Variants in ASTN2 observed in about 807,000 individuals in gnomAD.
ASTN2 encodes the protein astrotactin 2.
In ASTN2, 54 loss-of-function variants were observed where a neutral mutation model predicts 139.8. The observed-to-expected ratio is 0.39, with a 90% CI of 0.31 to 0.48. ASTN2 has a LOEUF of 0.48. ASTN2 is among the 20% of genes least tolerant of loss of function. The pLI, the probability that ASTN2 is intolerant of heterozygous loss-of-function variation, is 0.95. For synonymous variants in ASTN2, 756 were observed against 719.5 expected (o/e 1.05, Z -0.81); for missense variants, 1,565 against 1,725.1 (o/e 0.91, Z 1.64).
intron 19 of ASTN2, among the ~76,000 whole-genome samples, chr9:116,501,854 A>AT (rs1849866408): frequency 6.7e-6 from 1 of 150,268 alleles, no homozygotes; most frequent in African/African-American, 2.5e-5. Flanking sequence ...AAGTATAATA[A>AT]TAAAAAAAAA....
At chr9:117,209,124 TAA>T (rs1832035042) in intron 3 of ASTN2, among the ~76,000 whole-genome samples, 2 of 151,996 alleles carry the variant, frequency 1.3e-5, no homozygotes, top group South Asian at 4.1e-4. Context: ...GCAAAAATAA[TAA>T]GAGAGAAAGT....
intron 3 of ASTN2, among the ~76,000 whole-genome samples, chr9:117,174,067 G>A (rs1387242639): frequency 6.6e-6 from 1 of 151,614 alleles, no homozygotes; most frequent in Non-Finnish European, 1.5e-5. Flanking sequence ...GAATTAAAAT[G>A]AGGACAGAAT....
At chr9:117,329,742 T>C (rs768038510) in intron 1 of ASTN2, among the ~76,000 whole-genome samples, 11 of 152,180 alleles carry the variant, frequency 7.2e-5, no homozygotes, top group Admixed American at 6.5e-4. Context: ...GCTGGGGTCA[T>C]AAATTCAGAG....
rs556575455 is a variant in ASTN2, at chr9:117,278,472, A to G, written c.630+12854T>C. 2.6e-5 allele frequency among the ~76,000 whole-genome samples: 4 copies of G among 152,282 alleles called. No individual in the cohort carries two copies. In the South Asian group the frequency reaches 8.3e-4, roughly 32 times the overall value. On this transcript the variant is annotated intron_variant, in intron 2 of 22. Coordinates refer to ENST00000313400, the MANE Select transcript of ASTN2 (RefSeq NM_001365068.1). ...TCTACTTGACTTAAAATTCAGCACAAAGGAGGTGAGCAGAGAAAAAGGTAA... is the reference window on the plus strand; with the variant it reads ...TCTACTTGACTTAAAATTCAGCACAGAGGAGGTGAGCAGAGAAAAAGGTAA...
At chr9:117,027,823 G>C (rs924599365) in intron 6 of ASTN2, among the ~76,000 whole-genome samples, 1 of 152,142 alleles carries the variant, frequency 6.6e-6, no homozygotes, top group African/African-American at 2.4e-5. Context: ...CCCTGTGAGG[G>C]TGTGATTGGC....
chr9:116,992,033 G>A (rs540267959), intron 7 of ASTN2, among the ~76,000 whole-genome samples: 24 of 152,186 alleles, frequency 1.6e-4, no homozygotes, highest in Non-Finnish European at 3.1e-4. Flanking sequence ...GACAAGCCCA[G>A]AAAAGCAATG....
At chr9:116,840,509 A>AC (rs748543769) in intron 11 of ASTN2, among the ~76,000 whole-genome samples, 7,374 of 31,930 alleles carry the variant, frequency 0.23, 757 homozygotes, top group East Asian at 0.49. Flanking sequence ...CGGGGGGCTG[A>AC]CCCCCCCCAC....
At chr9:116,442,848 T>G (rs1010179642) in intron 20 of ASTN2, among the ~76,000 whole-genome samples, 2 of 152,178 alleles carry the variant, frequency 1.3e-5, no homozygotes, top group Non-Finnish European at 2.9e-5. Context: ...ATTGAACTCA[T>G]GCAGTCTGAG....
chr9:116,446,037 CAG>C (rs1170973738), intron 20 of ASTN2, among the ~76,000 whole-genome samples: 1 of 151,856 alleles, frequency 6.6e-6, no homozygotes, highest in East Asian at 1.9e-4. Flanking sequence ...GTTAGGGGAC[CAG>C]GCAGTGCCTG....
intron 19 of ASTN2, among the ~76,000 whole-genome samples, chr9:116,509,376 T>C (rs1484916214): frequency 1.3e-5 from 2 of 152,222 alleles, no homozygotes; most frequent in Admixed American, 6.5e-5. Flanking sequence ...CCATGGTGTA[T>C]ATGTGCCACA....
intron 19 of ASTN2, among the ~76,000 whole-genome samples, chr9:116,515,377 A>AATGG (rs1850599914): frequency 6.6e-6 from 1 of 152,132 alleles, no homozygotes; most frequent in African/African-American, 2.4e-5. Flanking sequence ...AGCTTCTAAG[A>AATGG]ATGGTTTCCT....
intron 16 of ASTN2, among the ~76,000 whole-genome samples, chr9:116,656,682 C>CG (rs1858234683): frequency 9.1e-6 from 1 of 109,918 alleles, no homozygotes; most frequent in African/African-American, 3.5e-5. Context: ...TTGTTGCCAC[C>CG]AAAAAAAAAA....
At chr9:117,187,969 G>A (rs1204991681) in intron 3 of ASTN2, among the ~76,000 whole-genome samples, 2 of 152,118 alleles carry the variant, frequency 1.3e-5, no homozygotes, top group South Asian at 4.1e-4. Context: ...CCAAGGCTTG[G>A]AGCAGGGTTT....
Position 116,698,941 on chromosome 9 carries a change from G to A in ASTN2, c.2806+26830C>T, listed in dbSNP as rs373015960. 13 of 1,614,042 alleles carry A rather than the reference G, an allele frequency of 8.1e-6. No individual in the cohort carries two copies. Among genetic ancestry groups the A allele is most frequent in the South Asian group, 3.3e-5 (3 of 91,090 alleles). ...AACTATCGTATACAAGTCTTTACCC[G>A]CAAAGGCTTTTTGAAGGAAATCCGC... On this transcript the variant is annotated intron_variant, in intron 16 of 22. Transcript: ENST00000313400. The surrounding 1 kb of genome is among the most constrained non-coding windows in gnomAD (Gnocchi z 4.4).
chr9:116,620,764 A>T (rs1422179251), intron 17 of ASTN2, among the ~76,000 whole-genome samples: 5 of 151,984 alleles, frequency 3.3e-5, no homozygotes, highest in African/African-American at 9.7e-5. Flanking sequence ...TTATTATTAT[A>T]ATTTCCCATT....
chr9:117,263,540 C>T (rs757407209), intron 2 of ASTN2, among the ~76,000 whole-genome samples: 15 of 152,272 alleles, frequency 9.9e-5, no homozygotes, highest in Non-Finnish European at 1.5e-4. Context: ...AATTGGCTAT[C>T]GTATAGCTTC....
At chr9:116,840,328 TC>T (rs960901463) in intron 11 of ASTN2, among the ~76,000 whole-genome samples, 2 of 150,386 alleles carry the variant, frequency 1.3e-5, no homozygotes, top group African/African-American at 2.5e-5. Flanking sequence ...TCCTCACCTT[TC>T]CCCCCTTTCT....
At chr9:116,453,269 G>A (rs527453147) in intron 20 of ASTN2, among the ~76,000 whole-genome samples, 2 of 152,268 alleles carry the variant, frequency 1.3e-5, no homozygotes, top group East Asian at 1.9e-4. Flanking sequence ...GTAAAATGGA[G>A]TCAACAATAC....
In ASTN2 at chr9:116,944,763, A is replaced by G. The variant is rs1444647785; in HGVS notation, c.1889+30445T>C. ...ATGTTTGGGAAGCCATAAACAATTT[A>G]ATGTGGCTGAAATGCAAAGGATAGG... On this transcript the variant is annotated intron_variant, in intron 10 of 22. Transcript: ENST00000313400. Among the ~76,000 whole-genome samples, 3 of 151,678 alleles carry G rather than the reference A, an allele frequency of 2.0e-5. No homozygotes were observed. The East Asian group carries it at 5.8e-4, about 29-fold the overall frequency.
Sources: allele counts gnomAD v4.1 joint callset (sites outside exome capture counted in the v4.1 genomes callset), GRCh38; gene constraint gnomAD v4.1.1; non-coding constraint Gnocchi (gnomAD v3.1); transcripts MANE v1.5; gene names NCBI Gene and HGNC (gene_info 2026-07-23, HGNC 2026-07-21).